Variants in GMPR observed in about 807,000 individuals in gnomAD.
The protein encoded by GMPR is GMP reductase 1.
Under a neutral mutation model 38.4 loss-of-function variants are expected in GMPR, and 31 were observed. The ratio of observed to expected loss-of-function variants is 0.81; its 90% CI spans 0.61 to 1.09. GMPR has a LOEUF of 1.09. Among genes scored for constraint, GMPR ranks in the 50% least tolerant of loss-of-function variants. GMPR has a pLI of 0.00. For synonymous variants in GMPR, 162 were observed against 173.3 expected (o/e 0.93, Z 0.51); for missense variants, 468 against 453.7 (o/e 1.03, Z -0.29).
intron 4 of GMPR, among the ~76,000 whole-genome samples, chr6:16,265,792 C>T (rs942914147): frequency 1.3e-5 from 2 of 151,700 alleles, no homozygotes; most frequent in Non-Finnish European, 2.9e-5. Context: ...TGGAGCCAGC[C>T]CGGATAACCC....
intron 5 of GMPR, 25 bp from the exon 6 acceptor site, chr6:16,278,758 TG>T (rs751111227): frequency 1.3e-6 from 2 of 1,487,584 alleles, no homozygotes; most frequent in Non-Finnish European, 1.9e-6. Flanking sequence ...ACCATCTATT[TG>T]GGGACAACTT....
At chr6:16,271,956 A>T (rs1056911564) in intron 4 of GMPR, among the ~76,000 whole-genome samples, 2 of 152,188 alleles carry the variant, frequency 1.3e-5, no homozygotes, top group East Asian at 3.8e-4. Context: ...CACACCTGTA[A>T]TTGCAGCACT....
At position 16,247,091 on chromosome 6, in the gene GMPR, T is replaced by A. The variant is rs1581646075; in HGVS notation, c.207+130T>A. 5 of 811,810 alleles carry A rather than the reference T, an allele frequency of 6.2e-6. No individual in the cohort carries two copies. In the East Asian group the frequency reaches 1.4e-4, roughly 22 times the overall value. The allele number at this position is 811,810 out of a possible 1,614,324, so 50.3% of individuals were successfully genotyped here. On this transcript the variant is annotated intron_variant, in intron 2 of 8. Coordinates refer to ENST00000259727, the MANE Select transcript of GMPR (RefSeq NM_006877.4). Reference sequence around the variant, plus strand: ...GAGCTGCTTTGGGTCATTCTCTGTCTTTCCCTTCAATCAGAAAGTGGACGG... The same window carrying A: ...GAGCTGCTTTGGGTCATTCTCTGTCATTCCCTTCAATCAGAAAGTGGACGG...
intron 4 of GMPR, chr6:16,262,937 C>T (rs898222570): frequency 2.0e-5 from 3 of 151,890 alleles, no homozygotes; most frequent in South Asian, 2.1e-4. Context: ...AGTCACGGAA[C>T]GAAACTGTAA....
chr6:16,238,750 T>TA lies in GMPR; in HGVS notation c.59dup (p.Arg21AlafsTer13), dbSNP rs779885429. 6.8e-7 allele frequency: 1 copy of TA among 1,473,650 alleles called. No homozygotes were observed. Among genetic ancestry groups the TA allele is most frequent in the Non-Finnish European group, 9.1e-7 (1 of 1,099,956 alleles). The allele number at this position is 1,473,650 out of a possible 1,614,324, so 91.3% of individuals were successfully genotyped here. ...ACTTCAAGGATGTCCTGCTCCGACC[T>TA]AAGCGGAGCAGCCTCAAGAGCCGAG... On this transcript the variant is annotated frameshift_variant, in exon 1 of 9. Transcript: ENST00000259727. LOFTEE classifies it high-confidence loss of function.
At chr6:16,276,255 C>T (rs1759470200) in intron 5 of GMPR, among the ~76,000 whole-genome samples, 2 of 151,938 alleles carry the variant, frequency 1.3e-5, no homozygotes, top group South Asian at 2.1e-4. Flanking sequence ...CTGCAACCTT[C>T]GCCTCAGAGG....
At chr6:16,286,097 A>G (rs1204567442) in intron 7 of GMPR, among the ~76,000 whole-genome samples, 1 of 152,078 alleles carries the variant, frequency 6.6e-6, no homozygotes, top group Admixed American at 6.5e-5. Context: ...CATCCCAGGG[A>G]AGAGAAAGCT....
chr6:16,267,128 C>T (rs1370731621), intron 4 of GMPR, among the ~76,000 whole-genome samples: 1 of 152,062 alleles, frequency 6.6e-6, no homozygotes, highest in African/African-American at 2.4e-5. Flanking sequence ...CTTTGGGAGG[C>T]CGAGGTGGGC....
chr6:16,288,194 G>T (rs1255024127), intron 7 of GMPR, among the ~76,000 whole-genome samples: 1 of 152,270 alleles, frequency 6.6e-6, no homozygotes, highest in Non-Finnish European at 1.5e-5. Flanking sequence ...CACTCTGGGA[G>T]CCCCTTTCTG....
At chr6:16,260,969 G>A (rs1167040266) in intron 4 of GMPR, among the ~76,000 whole-genome samples, 1 of 152,010 alleles carries the variant, frequency 6.6e-6, no homozygotes, top group Non-Finnish European at 1.5e-5. Flanking sequence ...TATGCGTCAG[G>A]TATGAGGAAG....
At chr6:16,278,968 G>A in intron 6 of GMPR, 78 bp downstream of exon 6, 1 of 846,864 alleles carries the variant, frequency 1.2e-6, no homozygotes, top group Non-Finnish European at 1.9e-6. Context: ...TCACTGGCTG[G>A]GCATCCTGTG....
chr6:16,278,770 CT>C lies in GMPR; in HGVS notation c.548-11del, dbSNP rs1426134827. On this transcript the variant is annotated splice_polypyrimidine_tract_variant and intron_variant, in intron 5 of 8. Coordinates refer to ENST00000259727, the MANE Select transcript of GMPR (RefSeq NM_006877.4). ...ATAACCATCTATTTGGGGACAACTT[CT>C]TTCTCTGTGCAGGTTCTGTGTGCAC... The C allele has an allele frequency of 1.3e-6, 2 of 1,585,796 alleles. No homozygotes were observed. The highest frequency in any genetic ancestry group is 3.3e-5 in the Admixed American group (2 of 59,992).
intron 4 of GMPR, among the ~76,000 whole-genome samples, chr6:16,266,795 C>A (rs1347256649): frequency 2.0e-5 from 3 of 147,378 alleles, no homozygotes; most frequent in Admixed American, 1.3e-4. Flanking sequence ...TCTCAAAAAA[C>A]AAACAAACAA....
intron 4 of GMPR, among the ~76,000 whole-genome samples, chr6:16,268,408 A>C (rs969234607): frequency 1.3e-5 from 2 of 152,054 alleles, no homozygotes; most frequent in Non-Finnish European, 2.9e-5. Flanking sequence ...TCCGCCTCCC[A>C]GGTTCAAGTG....
chr6:16,282,099 A>AT (rs1759584312), intron 6 of GMPR, among the ~76,000 whole-genome samples: 1 of 152,118 alleles, frequency 6.6e-6, no homozygotes, highest in South Asian at 2.1e-4. Flanking sequence ...CAGCTGTCCC[A>AT]TTTTACCCTT....
intron 2 of GMPR, among the ~76,000 whole-genome samples, chr6:16,248,223 A>G (rs982021659): frequency 1.6e-5 from 2 of 122,144 alleles, no homozygotes; most frequent in Non-Finnish European, 3.3e-5. Context: ...GAGCAAGAAG[A>G]CCCTGTCTCA....
At chr6:16,254,538 T>C in intron 3 of GMPR, 24 bp from the exon 4 acceptor site, 1 of 1,607,590 alleles carries the variant, frequency 6.2e-7, no homozygotes, top group Non-Finnish European at 8.5e-7. Flanking sequence ...TTTATGCCTG[T>C]CTTCTTGGTT....
At chr6:16,289,063 G>C (rs536029684) in intron 7 of GMPR, among the ~76,000 whole-genome samples, 2 of 152,164 alleles carry the variant, frequency 1.3e-5, no homozygotes, top group African/African-American at 4.8e-5. Flanking sequence ...CCTTTTCTTT[G>C]GGAGGGTGAT....
chr6:16,291,165 T>C (rs1345144965), intron 8 of GMPR, among the ~76,000 whole-genome samples: 2 of 152,216 alleles, frequency 1.3e-5, no homozygotes, highest in Admixed American at 6.5e-5. Flanking sequence ...AGCCATTCAG[T>C]TGTGTCATCC....
Sources: allele counts gnomAD v4.1 joint callset (sites outside exome capture counted in the v4.1 genomes callset), GRCh38; gene constraint gnomAD v4.1.1; transcripts MANE v1.5; gene names NCBI Gene and HGNC (gene_info 2026-07-23, HGNC 2026-07-21).